Variants in PCDHGA3 observed in about 807,000 individuals in gnomAD.
The protein encoded by PCDHGA3 is protocadherin gamma-A3.
A neutral mutation model predicts 58.5 loss-of-function variants in PCDHGA3; 40 were observed. That is an observed-to-expected ratio of 0.68 (90% CI 0.53 to 0.89). The LOEUF (loss-of-function observed/expected upper bound fraction) is 0.89, where lower values mean the gene tolerates loss of function less well. Ranked by LOEUF, PCDHGA3 falls within the 40% of genes least tolerant of loss-of-function variation. The pLI, the probability that PCDHGA3 is intolerant of heterozygous loss-of-function variation, is 0.00. For missense variants in PCDHGA3, 1,223 were observed against 1,195.9 expected, an observed-to-expected ratio of 1.02 and a Z score of -0.33; for synonymous variants, 530 against 525.7, an observed-to-expected ratio of 1.01 and a Z score of -0.11.
intron 1 of PCDHGA3, chr5:141,409,346 G>A (rs573212606): frequency 4.3e-6 from 7 of 1,613,998 alleles, no homozygotes; most frequent in South Asian, 2.2e-5. Context: ...AAATGGAGAA[G>A]TCAGGTGTAA....
intron 1 of PCDHGA3, chr5:141,399,207 A>T (rs771939823): frequency 1.2e-6 from 2 of 1,613,992 alleles, no homozygotes; most frequent in South Asian, 2.2e-5. Flanking sequence ...TGCCTGGAAC[A>T]CTAATTGCTT....
chr5:141,361,816 C>A, intron 1 of PCDHGA3: 2 of 1,613,084 alleles, frequency 1.2e-6, no homozygotes, highest in East Asian at 2.2e-5. Flanking sequence ...CAATGCGCCA[C>A]GGGTGCTGTA....
At chr5:141,399,579 C>CT (rs1419885738) in intron 1 of PCDHGA3, 1 of 1,614,026 alleles carries the variant, frequency 6.2e-7, no homozygotes, top group African/African-American at 1.3e-5. Context: ...GCCAAGTCTC[C>CT]TACTCTATCA....
In PCDHGA3 at chr5:141,505,438, T is replaced by C. The variant is rs149352680; in HGVS notation, c.2529T>C (p.Phe843=). The C allele has an allele frequency of 6.8e-6, 11 of 1,614,046 alleles. No homozygotes were observed. The African/African-American group carries it at 1.5e-4, about 22-fold the overall frequency. The stretch of plus-strand genomic sequence containing the variant: ...CCGGCACCTGGCCCAACAACCAGTT[T>C]GACACAGAGATGCTGCAAGCCATGA... ...DDTGTWPNNQ[F]DTEMLQAMIL... Residue 843 remains phenylalanine, a synonymous_variant, in exon 3 of 4, where the codon TTT becomes TTC. Transcript: ENST00000253812.
chr5:141,373,898 A>T (rs1039826496), intron 1 of PCDHGA3: 1 of 541,044 alleles, frequency 1.8e-6, no homozygotes, highest in Non-Finnish European at 3.1e-6. Context: ...CTCAAGTTAC[A>T]TCCTCCAACA....
chr5:141,453,560 G>A (rs1230229107), intron 1 of PCDHGA3, among the ~76,000 whole-genome samples: 3 of 151,968 alleles, frequency 2.0e-5, no homozygotes, highest in Admixed American at 6.6e-5. Flanking sequence ...GTAGATAATC[G>A]ATTTCATTAG....
At chr5:141,379,918 T>C (rs1175326393) in intron 1 of PCDHGA3, among the ~76,000 whole-genome samples, 1 of 119,530 alleles carries the variant, frequency 8.4e-6, no homozygotes, top group Non-Finnish European at 1.7e-5. Context: ...TTTTTTTTTT[T>C]TGTCAGAGTC....
intron 1 of PCDHGA3, chr5:141,413,618 A>G (rs1188549125): frequency 6.2e-7 from 1 of 1,613,916 alleles, no homozygotes; most frequent in Non-Finnish European, 8.5e-7. Context: ...AAAATTAATG[A>G]AAATGTCGCT....
At position 141,423,009 on chromosome 5, in the gene PCDHGA3, G is replaced by A. The variant is rs371209178; in HGVS notation, c.2425-71798G>A. 28 of 1,614,222 alleles carry A rather than the reference G, an allele frequency of 1.7e-5. No individual in the cohort carries two copies. The East Asian group carries it at 4.9e-4, about 28-fold the overall frequency. On this transcript the variant is annotated intron_variant, in intron 1 of 3. Transcript: ENST00000253812. ...GCTACCTGGTGACCAAGGTGGTTGC[G>A]GTGGACAAAGATTCAGGCCAGAACG...
In PCDHGA3 at chr5:141,431,048, A is replaced by G; in HGVS notation, c.2425-63759A>G. The G allele has an allele frequency of 6.2e-7, 1 of 1,614,180 alleles. No homozygotes were observed. Among genetic ancestry groups the G allele is most frequent in the Non-Finnish European group, 8.5e-7 (1 of 1,180,018 alleles). The stretch of plus-strand genomic sequence containing the variant: ...CAGGATAGACCGGGAGGAGCTCTGT[A>G]TGGGGGCCATCAAGTGTCAATTAAA... On this transcript the variant is annotated intron_variant, in intron 1 of 3. Coordinates refer to ENST00000253812, the MANE Select transcript of PCDHGA3 (RefSeq NM_018916.4). This position sits in a 1 kb window ranked among gnomAD's most constrained non-coding sequence, Gnocchi z 4.8.
In PCDHGA3 at chr5:141,345,829, G is replaced by A. The variant is rs755143923; in HGVS notation, c.1796G>A (p.Gly599Asp). Reference protein sequence around the residue: ...TKVVAVDRDSGQNAWLSYRLL... With the variant: ...TKVVAVDRDSDQNAWLSYRLL... Reference sequence around the variant, plus strand: ...GTGGTGGCGGTGGACAGAGACTCGGGCCAGAACGCCTGGCTGTCCTACCGC... The same window carrying A: ...GTGGTGGCGGTGGACAGAGACTCGGACCAGAACGCCTGGCTGTCCTACCGC... Residue 599 changes from glycine to aspartate, a missense_variant, in exon 1 of 4, where the codon GGC becomes GAC. Around this residue, in one of 3 missense-constraint regions of PCDHGA3, gnomAD observed 107 missense variants for 159.8 expected, o/e 0.67. Transcript: ENST00000253812. 3 of 1,612,686 alleles carry A rather than the reference G, an allele frequency of 1.9e-6. No individual in the cohort carries two copies. The highest frequency in any genetic ancestry group is 2.5e-6 in the Non-Finnish European group (3 of 1,179,870).
rs201026497 is a variant in PCDHGA3, at chr5:141,345,870, G to A, written c.1837G>A (p.Glu613Lys). ...WLSYRLLKASEPGLFSVGLHT... is the reference protein window; with the variant it reads ...WLSYRLLKASKPGLFSVGLHT... ...GTCCTACCGCCTGCTCAAGGCCAGC[G>A]AGCCGGGACTCTTCTCGGTGGGTCT... The change falls in exon 1 of 4, where the codon GAG (glutamate) becomes AAG (lysine). Residue 613 changes from glutamate (E) to lysine (K), a missense_variant. By Grantham distance (56) the Glu-to-Lys change is moderately conservative. Coordinates refer to ENST00000253812, the MANE Select transcript of PCDHGA3 (RefSeq NM_018916.4). The A allele has an allele frequency of 1.2e-6, 2 of 1,613,440 alleles. No individual in the cohort carries two copies. The highest frequency in any genetic ancestry group is 1.7e-6 in the Non-Finnish European group (2 of 1,179,906).
At chr5:141,357,280 G>A (rs375096659) in intron 1 of PCDHGA3, 7 of 1,613,820 alleles carry the variant, frequency 4.3e-6, no homozygotes, top group African/African-American at 2.7e-5. Flanking sequence ...ACTCTATCTC[G>A]TGGTGGCAGT....
At position 141,505,417 on chromosome 5, in the gene PCDHGA3, C is replaced by T; in HGVS notation, c.2508C>T (p.Gly836=). The change falls in exon 3 of 4, where the codon GGC becomes GGT. Residue 836 remains glycine, a synonymous_variant. Coordinates refer to ENST00000253812, the MANE Select transcript of PCDHGA3 (RefSeq NM_018916.4). ...TSGSQNGDDT[G]TWPNNQFDTE... is the part of the protein sequence containing the mutation. ...GCTCCCAAAATGGCGATGACACCGG[C>T]ACCTGGCCCAACAACCAGTTTGACA... 1 of 1,614,212 alleles carries T rather than the reference C, an allele frequency of 6.2e-7. No individual in the cohort carries two copies. Among genetic ancestry groups the T allele is most frequent in the Non-Finnish European group, 8.5e-7 (1 of 1,180,024 alleles).
rs769249726 is a variant in PCDHGA3 at position 141,490,832 on chromosome 5, A to C, written c.2425-3975A>C. On this transcript the variant is annotated intron_variant, in intron 1 of 3. Transcript: ENST00000253812. This position sits in a 1 kb window ranked among gnomAD's most constrained non-coding sequence, Gnocchi z 5.4. Reference sequence around the variant, plus strand: ...GACTATGAATTGCTGCAGATGCTGCAGATTGTGGTGGGGGTTCGAGACTCC... The same window carrying C: ...GACTATGAATTGCTGCAGATGCTGCCGATTGTGGTGGGGGTTCGAGACTCC... 1.5e-5 allele frequency: 25 copies of C among 1,613,796 alleles called. No individual in the cohort carries two copies. In the South Asian group the frequency reaches 2.6e-4, roughly 17 times the overall value.
chr5:141,431,973 TC>T lies in PCDHGA3; in HGVS notation c.2425-62833del, dbSNP rs770294598. 13 of 1,614,100 alleles carry T rather than the reference TC, an allele frequency of 8.1e-6. No individual in the cohort carries two copies. The highest frequency in any genetic ancestry group is 1.0e-5 in the Non-Finnish European group (12 of 1,180,038). On this transcript the variant is annotated intron_variant, in intron 1 of 3. Transcript: ENST00000253812. This position sits in a 1 kb window ranked among gnomAD's most constrained non-coding sequence, Gnocchi z 4.8. ...TCTTACGGAAATTACTATAGTTTAG[TC>T]ACAGACATAGTCTTGGATAGGGAAC...
chr5:141,392,942 C>T, intron 1 of PCDHGA3: 2 of 1,613,954 alleles, frequency 1.2e-6, no homozygotes, highest in Non-Finnish European at 1.7e-6. Context: ...ACAAAGGCTC[C>T]TTCGTGGGTA....
intron 3 of PCDHGA3, 87 bp from the exon 4 acceptor site, chr5:141,510,854 TGTATAG>T: frequency 6.2e-7 from 1 of 1,602,320 alleles, no homozygotes; most frequent in Non-Finnish European, 8.5e-7. Flanking sequence ...CCCAGGGTGC[TGTATAG>T]GCATTCATTA....
chr5:141,486,346 C>G lies in PCDHGA3; in HGVS notation c.2425-8461C>G. 1 of 1,614,120 alleles carries G rather than the reference C, an allele frequency of 6.2e-7. No individual in the cohort carries two copies. Among genetic ancestry groups the G allele is most frequent in the East Asian group, 2.2e-5 (1 of 44,874 alleles). ...GAGATGTGAGCCTCCGCATTCCTGA[C>G]CACTTGCCATTTGCCCTCAAGTCTG... On this transcript the variant is annotated intron_variant, in intron 1 of 3. Coordinates refer to ENST00000253812, the MANE Select transcript of PCDHGA3 (RefSeq NM_018916.4). This position sits in a 1 kb window ranked among gnomAD's most constrained non-coding sequence, Gnocchi z 5.0.
Sources: allele counts gnomAD v4.1 joint callset (sites outside exome capture counted in the v4.1 genomes callset), GRCh38; gene constraint gnomAD v4.1.1; regional missense constraint gnomAD v4.1.1; non-coding constraint Gnocchi (gnomAD v3.1); transcripts MANE v1.5; gene names NCBI Gene and HGNC (gene_info 2026-07-23, HGNC 2026-07-21).